Variants in BTBD8 observed in about 807,000 individuals in gnomAD.
BTBD8 encodes BTB/POZ domain-containing protein 8.
BTBD8 carries 110 observed loss-of-function variants against 162.9 expected under a neutral mutation model. The observed-to-expected ratio is 0.68, with a 90% confidence interval of 0.58 to 0.79. The LOEUF (loss-of-function observed/expected upper bound fraction) is 0.79, where lower values mean the gene tolerates loss of function less well. Ranked by LOEUF, BTBD8 falls within the 30% of genes least tolerant of loss-of-function variation. The pLI, the probability that BTBD8 is intolerant of heterozygous loss-of-function variation, is 0.00. For missense variants in BTBD8, 1,905 were observed against 2,085.4 expected, an observed-to-expected ratio of 0.91 and a Z score of 1.68; for synonymous variants, 667 against 716.1, an observed-to-expected ratio of 0.93 and a Z score of 1.10.
chr1:92,182,722 T>G, intron 17 of BTBD8, 127 bp downstream of exon 17: 1 of 530,490 alleles, frequency 1.9e-6, no homozygotes, highest in Non-Finnish European at 3.1e-6. Flanking sequence ...AGATTAAAAT[T>G]TTAAATGAAA....
At chr1:92,173,963 G>T (rs1650630778) in intron 13 of BTBD8, among the ~76,000 whole-genome samples, 1 of 152,054 alleles carries the variant, frequency 6.6e-6, no homozygotes, top group East Asian at 1.9e-4. Context: ...TGTGGTGGTG[G>T]TTGTTGTTGC....
At chr1:92,088,944 T>C in intron 2 of BTBD8, 49 bp downstream of exon 2, 1 of 1,411,660 alleles carries the variant, frequency 7.1e-7, no homozygotes, top group Non-Finnish European at 9.6e-7. Flanking sequence ...TTGCTTATTT[T>C]TAACATGTAT....
chr1:92,139,648 C>A, intron 6 of BTBD8: 2 of 861,136 alleles, frequency 2.3e-6, no homozygotes, highest in Non-Finnish European at 1.4e-6. Flanking sequence ...TGAGAACAGT[C>A]TTTATTAGAC....
At chr1:92,183,590 T>G (rs1650983762) in intron 17 of BTBD8, among the ~76,000 whole-genome samples, 1 of 152,118 alleles carries the variant, frequency 6.6e-6, no homozygotes, top group Non-Finnish European at 1.5e-5. Context: ...TATGTTTAAA[T>G]GATTTATGTT....
intron 12 of BTBD8, 128 bp from the exon 13 acceptor site, chr1:92,171,271 T>C: frequency 1.6e-6 from 1 of 607,642 alleles, no homozygotes; most frequent in Non-Finnish European, 2.7e-6. Flanking sequence ...TATACTAGAT[T>C]GGTTTCAGGT....
intron 5 of BTBD8, among the ~76,000 whole-genome samples, chr1:92,130,575 C>T (rs573414464): frequency 2.0e-5 from 3 of 150,252 alleles, no homozygotes; most frequent in Admixed American, 6.6e-5. Flanking sequence ...CACATATACG[C>T]ACACACACAT....
At chr1:92,084,600 T>C (rs769272999) in intron 1 of BTBD8, among the ~76,000 whole-genome samples, 4 of 152,210 alleles carry the variant, frequency 2.6e-5, no homozygotes, top group Non-Finnish European at 5.9e-5. Context: ...GCAGTTTTCC[T>C]GCTCAGTCCA....
Position 92,142,743 on chromosome 1 carries a change from T to TG in BTBD8, c.930+1533dup, listed in dbSNP as rs1306721477. On this transcript the variant is annotated intron_variant, in intron 7 of 17. Coordinates refer to ENST00000636805, the MANE Select transcript of BTBD8 (RefSeq NM_001376131.1). ...GAGGTATTGTGCATCGTGAGCCACT[T>TG]GAAGAGTTCTTATCTACAGAGAGGC... is the stretch of plus-strand genomic sequence containing the variant. Among the ~76,000 whole-genome samples the TG allele has an allele frequency of 2.0e-5, 3 of 152,324 alleles. 1 individual carries two copies. The highest frequency in any genetic ancestry group is 4.8e-5 in the African/African-American group (2 of 41,572).
chr1:92,170,790 A>G (rs1650516981), intron 12 of BTBD8, among the ~76,000 whole-genome samples: 1 of 152,136 alleles, frequency 6.6e-6, no homozygotes, highest in African/African-American at 2.4e-5. Flanking sequence ...AAGAGCATAG[A>G]CATGAGTTCT....
chr1:92,115,213 C>A, intron 4 of BTBD8: 1 of 507,180 alleles, frequency 2.0e-6, no homozygotes. Context: ...AGCCCCATAG[C>A]CATCACACCA....
chr1:92,110,467 A>G (rs1291625007), intron 4 of BTBD8, among the ~76,000 whole-genome samples: 1 of 152,226 alleles, frequency 6.6e-6, no homozygotes, highest in Non-Finnish European at 1.5e-5. Context: ...ATTAGCCTTC[A>G]TGGATTCCAT....
intron 9 of BTBD8, among the ~76,000 whole-genome samples, chr1:92,164,388 C>T (rs748351375): frequency 9.2e-5 from 14 of 152,108 alleles, no homozygotes; most frequent in South Asian, 2.1e-4. Flanking sequence ...GAGGCCAAGG[C>T]GGGTGGATCA....
In BTBD8 at chr1:92,088,823, C is replaced by T. The variant is rs1361137398; in HGVS notation, c.275C>T (p.Ser92Leu). 1 of 1,613,214 alleles carries T rather than the reference C, an allele frequency of 6.2e-7. No homozygotes were observed. Among genetic ancestry groups the T allele is most frequent in the Admixed American group, 1.7e-5 (1 of 59,986 alleles). Residue 92 changes from serine (S) to leucine (L), a missense_variant, in exon 2 of 18, where the codon TCA (serine) becomes TTA (leucine). Physicochemically the swap from Ser to Leu is moderately radical, Grantham distance 145 (BLOSUM62 -2). Around this residue, in one of 3 missense-constraint regions of BTBD8, gnomAD observed 1,374 missense variants for 1,442.7 expected, o/e 0.95. Transcript: ENST00000636805. ...DFYFHTIGQT[S>L]NSLTNQEPIA... ...TATTTTCATACTATTGGACAGACAT[C>T]AAATAGTTTAACAAATCAGGAGCCT...
chr1:92,115,443 G>T (rs1649013543), intron 4 of BTBD8: 48 of 490,616 alleles, frequency 9.8e-5, no homozygotes, highest in South Asian at 7.2e-4. Flanking sequence ...GGGGGCAGAG[G>T]TAATGACCCT....
intron 4 of BTBD8, chr1:92,125,247 T>A: frequency 6.4e-6 from 1 of 155,198 alleles, no homozygotes; most frequent in Non-Finnish European, 1.4e-5. Context: ...GGAGAGGGAG[T>A]GAAGAGCAGA....
At chr1:92,122,502 C>A (rs1649241499) in intron 4 of BTBD8, among the ~76,000 whole-genome samples, 1 of 151,290 alleles carries the variant, frequency 6.6e-6, no homozygotes. Context: ...CGTGATCTGC[C>A]CACCTTGGCC....
At position 92,080,545 on chromosome 1, in the gene BTBD8, C is replaced by G. The variant is rs772594487; in HGVS notation, c.-27C>G. 2.2e-5 allele frequency: 35 copies of G among 1,611,808 alleles called. No individual in the cohort carries two copies. Among genetic ancestry groups the G allele is most frequent in the Non-Finnish European group, 3.0e-5 (35 of 1,179,324 alleles). On this transcript the variant is annotated 5_prime_UTR_variant, in exon 1 of 18. Coordinates refer to ENST00000636805, the MANE Select transcript of BTBD8 (RefSeq NM_001376131.1). ...GGGCAAGTGAGGCCAAGTACTGGGC[C>G]TCCAGGGCGTCGTACCTCTGTGAGA...
intron 9 of BTBD8, among the ~76,000 whole-genome samples, chr1:92,162,711 G>C (rs1291333684): frequency 6.6e-6 from 1 of 152,008 alleles, no homozygotes; most frequent in African/African-American, 2.4e-5. Context: ...CACTCTTCCA[G>C]CACCTCAGAT....
chr1:92,135,150 G>T (rs1649604167), intron 5 of BTBD8, among the ~76,000 whole-genome samples: 1 of 151,902 alleles, frequency 6.6e-6, no homozygotes, highest in Admixed American at 6.6e-5. Context: ...GCCTTCCAAA[G>T]TGCTGGGATT....
Sources: allele counts gnomAD v4.1 joint callset (sites outside exome capture counted in the v4.1 genomes callset), GRCh38; gene constraint gnomAD v4.1.1; regional missense constraint gnomAD v4.1.1; transcripts MANE v1.5; gene names NCBI Gene and HGNC (gene_info 2026-07-23, HGNC 2026-07-21).